Variants in CUX2 observed in about 807,000 individuals in gnomAD.
CUX2 encodes the protein cut like homeobox 2, also known as homeobox protein cut-like 2.
In CUX2, 40 loss-of-function variants were observed where a neutral mutation model predicts 144.8. The observed-to-expected ratio is 0.28, with a 90% confidence interval of 0.21 to 0.36. CUX2 has a LOEUF of 0.36. Among genes scored for constraint, CUX2 ranks in the 10% least tolerant of loss-of-function variants. The pLI, the probability that CUX2 is intolerant of heterozygous loss-of-function variation, is 1.00. For missense variants in CUX2, 1,615 were observed against 1,994.0 expected (o/e 0.81, Z 3.62); for synonymous variants, 827 against 875.6 (o/e 0.94, Z 0.98).
intron 1 of CUX2, among the ~76,000 whole-genome samples, chr12:111,111,041 C>G (rs1873917949): frequency 6.6e-6 from 1 of 152,168 alleles, no homozygotes; most frequent in Admixed American, 6.5e-5. Flanking sequence ...GTGGCTGACG[C>G]CTGTAATCCC....
chr12:111,250,729 G>A (rs1213431603), intron 3 of CUX2, among the ~76,000 whole-genome samples: 2 of 152,136 alleles, frequency 1.3e-5, no homozygotes, highest in African/African-American at 2.4e-5. Context: ...GGTCAGAGCC[G>A]GAGCACCCAC....
In CUX2 at chr12:111,307,264, T is replaced by A. The variant is rs551136070; in HGVS notation, c.1109+7T>A. On this transcript the variant is annotated splice_region_variant and intron_variant, in intron 12 of 21. Transcript: ENST00000261726. This position sits in a 1 kb window ranked among gnomAD's most constrained non-coding sequence, Gnocchi z 4.1. ...AAATTAAAACGGAGCTGAGGTACCATGTGGGGTGGGGCTCCACAGACCCTC... is the reference window on the plus strand; with the variant it reads ...AAATTAAAACGGAGCTGAGGTACCAAGTGGGGTGGGGCTCCACAGACCCTC... The A allele has an allele frequency of 3.7e-6, 6 of 1,613,704 alleles. No homozygotes were observed. Among genetic ancestry groups the A allele is most frequent in the Middle Eastern group, 1.6e-4 (1 of 6,084 alleles).
In CUX2 at chr12:111,061,690, C is replaced by T. The variant is rs1029766291; in HGVS notation, c.63+27450C>T. 3.3e-5 allele frequency among the ~76,000 whole-genome samples: 5 copies of T among 152,142 alleles called. No homozygotes were observed. Among genetic ancestry groups the T allele is most frequent in the Admixed American group, 2.6e-4 (4 of 15,274 alleles). ...CTTTCGGACAAGCGTTTTACCTGCC[C>T]GATGTTCTGTGAAGTGAGTGGGTCA... On this transcript the variant is annotated intron_variant, in intron 1 of 21. Coordinates refer to ENST00000261726, the MANE Select transcript of CUX2 (RefSeq NM_015267.4). This position sits in a 1 kb window ranked among gnomAD's most constrained non-coding sequence, Gnocchi z 4.2.
At chr12:111,230,735 T>C (rs921147303) in intron 3 of CUX2, among the ~76,000 whole-genome samples, 1 of 152,182 alleles carries the variant, frequency 6.6e-6, no homozygotes, top group Non-Finnish European at 1.5e-5. Context: ...GACAGACCTG[T>C]GGAAATAACC....
At chr12:111,133,577 C>T (rs2136112437) in intron 1 of CUX2, among the ~76,000 whole-genome samples, 1 of 152,322 alleles carries the variant, frequency 6.6e-6, no homozygotes, top group East Asian at 1.9e-4. Flanking sequence ...GGGTCCCTCC[C>T]ACAACACGTG....
Position 111,160,920 on chromosome 12 carries a change from C to T in CUX2, c.64-53280C>T, listed in dbSNP as rs977312660. ...ATGGGGAAGATGCAGGGAGGAATAGCGGGAGCAGATGGGACGTGAGAGTGC... is the reference window on the plus strand; with the variant it reads ...ATGGGGAAGATGCAGGGAGGAATAGTGGGAGCAGATGGGACGTGAGAGTGC... On this transcript the variant is annotated intron_variant, in intron 1 of 21. Transcript: ENST00000261726. This position sits in a 1 kb window ranked among gnomAD's most constrained non-coding sequence, Gnocchi z 4.1. Among the ~76,000 whole-genome samples the T allele has an allele frequency of 1.3e-5, 2 of 152,132 alleles. No individual in the cohort carries two copies. The highest frequency in any genetic ancestry group is 2.4e-5 in the African/African-American group (1 of 41,432).
At chr12:111,052,990 A>C (rs1368323752) in intron 1 of CUX2, among the ~76,000 whole-genome samples, 2 of 149,270 alleles carry the variant, frequency 1.3e-5, no homozygotes, top group Non-Finnish European at 3.0e-5. Context: ...CATCCCTTTG[A>C]GGGGAAAACC....
chr12:111,062,129 A>T (rs898550594), intron 1 of CUX2, among the ~76,000 whole-genome samples: 3 of 152,186 alleles, frequency 2.0e-5, no homozygotes, highest in Admixed American at 1.3e-4. Flanking sequence ...TGCTTAGTGT[A>T]TACTGGGTGC....
At chr12:111,172,063 A>G (rs999666961) in intron 1 of CUX2, among the ~76,000 whole-genome samples, 3 of 150,784 alleles carry the variant, frequency 2.0e-5, no homozygotes, top group Non-Finnish European at 4.4e-5. Context: ...GCATGTGCAC[A>G]CGTGTGTGCA....
intron 4 of CUX2, among the ~76,000 whole-genome samples, chr12:111,290,309 T>G (rs1376669937): frequency 6.6e-6 from 1 of 152,164 alleles, no homozygotes; most frequent in Non-Finnish European, 1.5e-5. Context: ...TTGCTGAGGC[T>G]GGGGTACAGT....
chr12:111,116,568 G>T (rs1874319003), intron 1 of CUX2, among the ~76,000 whole-genome samples: 1 of 152,192 alleles, frequency 6.6e-6, no homozygotes, highest in Admixed American at 6.5e-5. Context: ...GAGTGTGATT[G>T]TTGGGACAAG....
intron 1 of CUX2, among the ~76,000 whole-genome samples, chr12:111,069,867 C>T (rs550443664): frequency 1.3e-5 from 2 of 152,062 alleles, no homozygotes; most frequent in African/African-American, 2.4e-5. Flanking sequence ...GTTGGGGAGG[C>T]GGGAGTTCAG....
At position 111,320,227 on chromosome 12, in the gene CUX2, G is replaced by A. The variant is rs760670696; in HGVS notation, c.2218G>A (p.Gly740Arg). The change falls in exon 17 of 22, where the codon GGG becomes AGG. Residue 740 changes from glycine to arginine, a missense_variant. Physicochemically the swap from Gly to Arg is moderately radical, Grantham distance 125. Transcript: ENST00000261726. This position sits in a 1 kb window ranked among gnomAD's most constrained non-coding sequence, Gnocchi z 8.1. ...RPSLATASQN[G>R]APALVKQEEG... ...ATCACTGGCCACCGCGAGCCAGAACGGGGCCCCGGCCTTGGTGAAGCAGGA... is the reference window on the plus strand; with the variant it reads ...ATCACTGGCCACCGCGAGCCAGAACAGGGCCCCGGCCTTGGTGAAGCAGGA... The A allele has an allele frequency of 2.6e-6, 4 of 1,566,258 alleles. No homozygotes were observed. Among genetic ancestry groups the A allele is most frequent in the Admixed American group, 1.8e-5 (1 of 54,320 alleles).
At chr12:111,100,181 CTGTG>C (rs71881537) in intron 1 of CUX2, 240 of 386,112 alleles carry the variant, frequency 6.2e-4, no homozygotes, top group East Asian at 1.3e-3. Flanking sequence ...GAGCCTGTGA[CTGTG>C]TGTGTGTGTG....
intron 1 of CUX2, among the ~76,000 whole-genome samples, chr12:111,088,773 C>A (rs1166663089): frequency 6.6e-6 from 1 of 152,148 alleles, no homozygotes; most frequent in Non-Finnish European, 1.5e-5. Context: ...CAACTCTGAG[C>A]GCCTCAGGTT....
intron 1 of CUX2, among the ~76,000 whole-genome samples, chr12:111,200,975 TAAACAATAGTGGGGCAGGGGG>T (rs1354501531): frequency 6.6e-6 from 1 of 152,182 alleles, no homozygotes; most frequent in African/African-American, 2.4e-5. Flanking sequence ...TGCTCTCATT[TAAACAATAGTGGGGCAGGGGG>T]AGGTCAGGCA....
chr12:111,153,223 A>G (rs1158929988), intron 1 of CUX2, among the ~76,000 whole-genome samples: 1 of 152,212 alleles, frequency 6.6e-6, no homozygotes, highest in East Asian at 1.9e-4. Context: ...TCTTCCTGGC[A>G]TTCATTCATT....
intron 1 of CUX2, among the ~76,000 whole-genome samples, chr12:111,174,177 A>G (rs1185656487): frequency 1.3e-5 from 2 of 152,186 alleles, no homozygotes; most frequent in Non-Finnish European, 2.9e-5. Context: ...TCCAGTTTAC[A>G]TCTTGAAATG....
chr12:111,325,093 G>C (rs1887709119), intron 18 of CUX2, among the ~76,000 whole-genome samples: 1 of 151,098 alleles, frequency 6.6e-6, no homozygotes, highest in African/African-American at 2.4e-5. Flanking sequence ...AGACCATCCT[G>C]GCTAACTCGG....
Sources: gnomAD v4.1 joint callset for allele counts (sites outside exome capture counted in the v4.1 genomes callset) on GRCh38, gnomAD v4.1.1 for gene constraint, Gnocchi (gnomAD v3.1) non-coding constraint, MANE v1.5 for transcripts, NCBI Gene and HGNC (gene_info 2026-07-23, HGNC 2026-07-21) for gene names.